The following CCDC18 variants were observed in gnomAD, a reference collection of about 807,000 sequenced individuals.
The protein encoded by CCDC18 is coiled-coil domain containing 18, also known as coiled-coil domain-containing protein 18.
In CCDC18, 157 loss-of-function variants were observed where a neutral mutation model predicts 196.0. The observed-to-expected ratio is 0.80, with a 90% CI of 0.70 to 0.91. The LOEUF is 0.91. Ranked by LOEUF, CCDC18 falls within the 40% of genes least tolerant of loss-of-function variation. The pLI is 0.00. For synonymous variants in CCDC18, 482 were observed against 529.2 expected (o/e 0.91, Z 1.22); for missense variants, 1,465 against 1,611.6 (o/e 0.91, Z 1.56).
At position 93,183,377 on chromosome 1, in the gene CCDC18, T is replaced by G; in HGVS notation, c.16T>G (p.Ser6Ala). 1 of 1,572,330 alleles carries G rather than the reference T, an allele frequency of 6.4e-7. No individual in the cohort carries two copies. The change falls in exon 2 of 29, where the codon TCA becomes GCA. Residue 6 changes from serine to alanine, a missense_variant. Coordinates refer to ENST00000690025, the MANE Select transcript of CCDC18 (RefSeq NM_001378204.1). MESSS[S>A]DYYNKDNEEE... ...TTTTTAAGAAATGGAATCTAGTTCA[T>G]CAGACTACTATAATAAAGACAATGA...
Position 93,207,270 on chromosome 1 carries a change from A to G in CCDC18, c.1081A>G (p.Met361Val), listed in dbSNP as rs199887942. The G allele has an allele frequency of 8.9e-5, 143 of 1,613,666 alleles. No individual in the cohort carries two copies. The highest frequency in any genetic ancestry group is 1.0e-4 in the Non-Finnish European group (121 of 1,179,772). The change falls in exon 9 of 29, where the codon ATG (methionine) becomes GTG (valine). Residue 361 changes from methionine (M) to valine (V), a missense_variant. By Grantham distance (21) the Met-to-Val change is conservative (BLOSUM62 1). Coordinates refer to ENST00000690025, the MANE Select transcript of CCDC18 (RefSeq NM_001378204.1). ...DEILRDKFSL[M>V]NENRELKVRV... ...AATACTTAGAGACAAATTTTCTTTAATGAATGAAAACCGAGAATTAAAGGT... is the reference window on the plus strand; with the variant it reads ...AATACTTAGAGACAAATTTTCTTTAGTGAATGAAAACCGAGAATTAAAGGT...
chr1:93,263,204 T>C (rs1664053997), intron 26 of CCDC18, among the ~76,000 whole-genome samples: 1 of 152,130 alleles, frequency 6.6e-6, no homozygotes, highest in Non-Finnish European at 1.5e-5. Context: ...CCTGGAGTCA[T>C]TTTCCCCATT....
intron 14 of CCDC18, among the ~76,000 whole-genome samples, chr1:93,219,688 G>A (rs1657099414): frequency 6.6e-6 from 1 of 152,172 alleles, no homozygotes; most frequent in Admixed American, 6.5e-5. Flanking sequence ...TTTCCATTTA[G>A]TATTTTCAGA....
At chr1:93,251,284 T>C (rs969072543) in intron 23 of CCDC18, among the ~76,000 whole-genome samples, 1 of 152,228 alleles carries the variant, frequency 6.6e-6, no homozygotes, top group Non-Finnish European at 1.5e-5. Context: ...TCCAATTAAA[T>C]TGTTATATTG....
chr1:93,199,185 C>T (rs1308199344), intron 6 of CCDC18, among the ~76,000 whole-genome samples: 1 of 152,246 alleles, frequency 6.6e-6, no homozygotes, highest in Non-Finnish European at 1.5e-5. Context: ...GCCCACTCAG[C>T]CTGGCAGGCT....
At chr1:93,209,139 G>A (rs906236922) in intron 9 of CCDC18, among the ~76,000 whole-genome samples, 14 of 151,996 alleles carry the variant, frequency 9.2e-5, no homozygotes, top group South Asian at 2.1e-4. Flanking sequence ...TGTATTTTTA[G>A]TAGAGACAGG....
intron 4 of CCDC18, 54 bp from the exon 5 acceptor site, chr1:93,191,946 A>T: frequency 7.9e-7 from 1 of 1,259,910 alleles, no homozygotes; most frequent in Non-Finnish European, 1.2e-6. Context: ...ACTAAGGACC[A>T]AGTAGGTTAA....
intron 21 of CCDC18, 63 bp downstream of exon 21, chr1:93,239,959 G>A (rs1211903226): frequency 6.1e-6 from 7 of 1,148,434 alleles, no homozygotes; most frequent in Non-Finnish European, 7.6e-6. Flanking sequence ...AATAAAATAT[G>A]TTGTTGCATT....
chr1:93,256,613 T>C (rs1662993689), intron 25 of CCDC18, 75 bp downstream of exon 25: 5 of 1,198,440 alleles, frequency 4.2e-6, no homozygotes, highest in East Asian at 2.5e-5. Context: ...CTGTAGAATA[T>C]AGTTCTTTCA....
chr1:93,213,199 G>T (rs9659202), intron 11 of CCDC18, among the ~76,000 whole-genome samples: 13,562 of 151,664 alleles, frequency 0.089, 1,997 homozygotes, highest in African/African-American at 0.31. Flanking sequence ...GTTCCTAATG[G>T]GCCATGGACT....
At chr1:93,182,156 G>A (rs1174055389) in intron 1 of CCDC18, among the ~76,000 whole-genome samples, 2 of 152,180 alleles carry the variant, frequency 1.3e-5, no homozygotes, top group Non-Finnish European at 2.9e-5. Context: ...ACAAAAAAGG[G>A]AAAGAGGATA....
chr1:93,206,079 C>T (rs1281031901), intron 8 of CCDC18, among the ~76,000 whole-genome samples: 1 of 151,914 alleles, frequency 6.6e-6, no homozygotes, highest in South Asian at 2.1e-4. Flanking sequence ...TCTTCTGACT[C>T]CAATGCTCTC....
chr1:93,265,025 A>G (rs758460161), intron 27 of CCDC18, 124 bp downstream of exon 27: 1 of 638,542 alleles, frequency 1.6e-6, no homozygotes, highest in Non-Finnish European at 2.8e-6. Flanking sequence ...AATAAAAACC[A>G]TTTGATTTAG....
chr1:93,225,873 G>T (rs1325954096), intron 16 of CCDC18, among the ~76,000 whole-genome samples: 1 of 152,112 alleles, frequency 6.6e-6, no homozygotes, highest in Non-Finnish European at 1.5e-5. Context: ...TAAGAAGTAG[G>T]TTTAAATACC....
intron 4 of CCDC18, among the ~76,000 whole-genome samples, chr1:93,190,191 T>C (rs1290606289): frequency 6.6e-6 from 1 of 152,216 alleles, no homozygotes; most frequent in African/African-American, 2.4e-5. Context: ...CTCTGACTTT[T>C]ATGTTAGAAG....
chr1:93,180,344 T>C, upstream of CCDC18: 1 of 1,406,270 alleles, frequency 7.1e-7, no homozygotes, highest in Admixed American at 2.9e-5. Context: ...AAATCTGGAG[T>C]CTGAAGAAAC....
At chr1:93,197,055 T>C (rs1652844252) in intron 6 of CCDC18, among the ~76,000 whole-genome samples, 1 of 152,174 alleles carries the variant, frequency 6.6e-6, no homozygotes, top group Non-Finnish European at 1.5e-5. Flanking sequence ...TTTAACCTTA[T>C]ATACATGTAT....
rs769963103 is a variant in CCDC18, at chr1:93,214,722, T to C, written c.1496-21T>C. The C allele has an allele frequency of 7.7e-6, 12 of 1,560,780 alleles. No homozygotes were observed. In the Admixed American group the frequency reaches 2.0e-4, roughly 27 times the overall value. ...ATTCTTGAAGTCCTATTCAGAACAA[T>C]TTTCCTTTTATGTTTATTAGCAGAA... On this transcript the variant is annotated intron_variant, in intron 11 of 28. Transcript: ENST00000690025.
At chr1:93,220,096 A>T (rs1488943015) in intron 14 of CCDC18, among the ~76,000 whole-genome samples, 2 of 152,194 alleles carry the variant, frequency 1.3e-5, no homozygotes, top group Non-Finnish European at 2.9e-5. Flanking sequence ...TAGACACATC[A>T]AAATCCTTGC....
Sources: allele counts gnomAD v4.1 joint callset (sites outside exome capture counted in the v4.1 genomes callset), GRCh38; gene constraint gnomAD v4.1.1; transcripts MANE v1.5; gene names NCBI Gene and HGNC (gene_info 2026-07-23, HGNC 2026-07-21).